Variants in KDM5B observed in about 807,000 individuals in gnomAD.
KDM5B encodes lysine demethylase 5B.
A neutral mutation model predicts 193.4 loss-of-function variants in KDM5B; 144 were observed. The ratio of observed to expected loss-of-function variants is 0.74; its 90% CI spans 0.65 to 0.86. The LOEUF is 0.86. Among genes scored for constraint, KDM5B ranks in the 40% least tolerant of loss-of-function variants. KDM5B has a pLI of 0.00. For missense variants in KDM5B, 1,833 were observed against 1,886.9 expected (o/e 0.97, Z 0.53); for synonymous variants, 668 against 682.6 (o/e 0.98, Z 0.33).
intron 1 of KDM5B, among the ~76,000 whole-genome samples, chr1:202,781,495 A>C (rs1416846106): frequency 1.3e-5 from 2 of 152,202 alleles, no homozygotes; most frequent in Non-Finnish European, 2.9e-5. Flanking sequence ...AAAATACTAT[A>C]CTTTGTTAAA....
At chr1:202,780,788 T>TAAAA (rs11412721) in intron 1 of KDM5B, among the ~76,000 whole-genome samples, 2 of 129,262 alleles carry the variant, frequency 1.5e-5, no homozygotes, top group Admixed American at 7.8e-5. Flanking sequence ...TTGCCATTAC[T>TAAAA]AAAAAAAAAA....
intron 10 of KDM5B, among the ~76,000 whole-genome samples, chr1:202,755,823 C>A (rs1468464358): frequency 6.6e-6 from 1 of 151,878 alleles, no homozygotes; most frequent in East Asian, 1.9e-4. Context: ...GGAGAGCGGG[C>A]GAAAAGGGAA....
At chr1:202,797,058 T>C (rs557470907) in intron 1 of KDM5B, 7 of 152,058 alleles carry the variant, frequency 4.6e-5, no homozygotes, top group African/African-American at 1.7e-4. Flanking sequence ...TCAGCAAAAG[T>C]CTCTTAAAGA....
intron 16 of KDM5B, among the ~76,000 whole-genome samples, chr1:202,745,279 CA>C (rs1655508173): frequency 6.6e-6 from 1 of 152,134 alleles, no homozygotes; most frequent in African/African-American, 2.4e-5. Flanking sequence ...GCCCATGACA[CA>C]AGTTTATCTA....
In KDM5B at chr1:202,742,639, AG is replaced by A; in HGVS notation, c.2474+15del. On this transcript the variant is annotated intron_variant, in intron 17 of 26. Transcript: ENST00000367265. ...GGTGCCAAAGAATCCAAACTCACGC[AG>A]TCAGAAGCGCATACCTAGTTTGCCT... 6.2e-7 allele frequency: 1 copy of A among 1,612,796 alleles called. No homozygotes were observed. The highest frequency in any genetic ancestry group is 2.2e-5 in the East Asian group (1 of 44,866).
chr1:202,783,067 G>A (rs941651129), intron 1 of KDM5B, among the ~76,000 whole-genome samples: 2 of 152,134 alleles, frequency 1.3e-5, no homozygotes, highest in Non-Finnish European at 2.9e-5. Flanking sequence ...CCAACATGGC[G>A]AAATCCCATC....
chr1:202,767,726 T>C (rs931276305), intron 4 of KDM5B, among the ~76,000 whole-genome samples: 1 of 152,150 alleles, frequency 6.6e-6, no homozygotes, highest in East Asian at 1.9e-4. Context: ...CAGGTGGTGT[T>C]GCTTTGATTT....
chr1:202,795,525 C>T (rs567510440), intron 1 of KDM5B, among the ~76,000 whole-genome samples: 2 of 151,716 alleles, frequency 1.3e-5, no homozygotes, highest in South Asian at 4.2e-4. Flanking sequence ...GGTGGCACGT[C>T]GCTGTAATCC....
intron 11 of KDM5B, among the ~76,000 whole-genome samples, chr1:202,755,036 C>A (rs1028681188): frequency 5.3e-5 from 8 of 152,166 alleles, no homozygotes; most frequent in African/African-American, 1.7e-4. Context: ...CCCAGAATTA[C>A]GTTGTTCTTG....
intron 16 of KDM5B, 46 bp from the exon 17 acceptor site, chr1:202,742,851 A>G: frequency 2.0e-6 from 3 of 1,527,886 alleles, no homozygotes; most frequent in Non-Finnish European, 2.7e-6. Context: ...CATTATGTTT[A>G]TTACTACTGG....
At chr1:202,740,589 C>G (rs1438991878) in intron 20 of KDM5B, 85 bp downstream of exon 20, 5 of 1,318,154 alleles carry the variant, frequency 3.8e-6, no homozygotes, top group African/African-American at 3.0e-5. Flanking sequence ...GGGGGCTGAC[C>G]CCCCCACCTC....
chr1:202,735,696 G>T, intron 21 of KDM5B, 109 bp from the exon 22 acceptor site: 2 of 1,011,344 alleles, frequency 2.0e-6, no homozygotes, highest in Non-Finnish European at 2.9e-6. Context: ...GCATTTCTTA[G>T]TATTGAAGAT....
chr1:202,762,631 G>C (rs1288827904), intron 7 of KDM5B, 68 bp downstream of exon 7: 1 of 884,312 alleles, frequency 1.1e-6, no homozygotes, highest in Non-Finnish European at 1.9e-6. Flanking sequence ...TGGGGGTAAA[G>C]GGGATTAAAG....
rs149776634 is a variant in KDM5B at position 202,806,184 on chromosome 1, A to G, written c.204+1918T>C. Among the ~76,000 whole-genome samples the G allele has an allele frequency of 2.9e-3, 442 of 152,324 alleles. 2 individuals carry two copies. Among genetic ancestry groups the G allele is most frequent in the African/African-American group, 0.01 (427 of 41,572 alleles). ...AAAAGGGCCCTCTAAAAGGCAAAGA[A>G]CAAGAAAACAAGATAAAGGATTTAC... On this transcript the variant is annotated intron_variant, in intron 1 of 26. Transcript: ENST00000367265.
chr1:202,774,859 T>A, intron 2 of KDM5B, 124 bp from the exon 3 acceptor site: 1 of 822,160 alleles, frequency 1.2e-6, no homozygotes, highest in Non-Finnish European at 1.9e-6. Flanking sequence ...TTTTTTAATT[T>A]AATGCTCTTT....
intron 10 of KDM5B, among the ~76,000 whole-genome samples, chr1:202,756,005 T>C (rs1413399772): frequency 6.6e-6 from 1 of 151,656 alleles, no homozygotes; most frequent in African/African-American, 2.4e-5. Context: ...CACACTTTCC[T>C]ACCAAGATAG....
At chr1:202,807,239 C>G (rs983594293) in intron 1 of KDM5B, 2 of 152,292 alleles carry the variant, frequency 1.3e-5, no homozygotes, top group Non-Finnish European at 2.9e-5. Flanking sequence ...CCCATCCCCA[C>G]CAGCACAGCC....
intron 20 of KDM5B, among the ~76,000 whole-genome samples, chr1:202,738,690 A>C (rs1259218736): frequency 1.3e-5 from 2 of 152,030 alleles, no homozygotes; most frequent in Non-Finnish European, 2.9e-5. Flanking sequence ...AGAACTTGAG[A>C]CTTTTTTTTT....
At position 202,729,757 on chromosome 1, in the gene KDM5B, C is replaced by T. The variant is rs768895584; in HGVS notation, c.4447G>A (p.Glu1483Lys). ...CTCACAGCTGGGCAGATGGCATCTT[C>T]ATCCTCAGAGTCTTCCTGTTCGGAA... The part of the protein sequence containing the change: ...SYSEQEDSED[E>K]DAICPAVSCL... Residue 1483 changes from glutamate to lysine, a missense_variant, in exon 26 of 27, where the codon GAA becomes AAA. Transcript: ENST00000367265. The T allele has an allele frequency of 6.2e-7, 1 of 1,614,150 alleles. No individual in the cohort carries two copies. The highest frequency in any genetic ancestry group is 1.7e-5 in the Admixed American group (1 of 60,030).
Sources: allele counts gnomAD v4.1 joint callset (sites outside exome capture counted in the v4.1 genomes callset), GRCh38; gene constraint gnomAD v4.1.1; transcripts MANE v1.5; gene names NCBI Gene and HGNC (gene_info 2026-07-23, HGNC 2026-07-21).